Variants in BORCS5 observed in about 807,000 individuals in gnomAD.
The protein encoded by BORCS5 is BLOC-1-related complex subunit 5.
BORCS5 carries 17 observed loss-of-function variants against 22.1 expected under a neutral mutation model. The observed-to-expected ratio is 0.77, with a 90% CI of 0.53 to 1.15. BORCS5 has a LOEUF of 1.15. Among genes scored for constraint, BORCS5 ranks in the 50% most tolerant of loss-of-function variants. The pLI is 0.00. For missense variants in BORCS5, 247 were observed against 253.2 expected, an observed-to-expected ratio of 0.98 and a Z score of 0.17; for synonymous variants, 117 against 99.8, an observed-to-expected ratio of 1.17 and a Z score of -1.03.
intron 2 of BORCS5, among the ~76,000 whole-genome samples, chr12:12,399,499 T>C (rs1236175451): frequency 6.6e-6 from 1 of 151,910 alleles, no homozygotes; most frequent in African/African-American, 2.4e-5. Context: ...GAATAAAAGA[T>C]TTGGATTGGA....
intron 3 of BORCS5, among the ~76,000 whole-genome samples, chr12:12,438,354 T>C (rs1942597616): frequency 2.1e-5 from 1 of 48,298 alleles, no homozygotes; most frequent in African/African-American, 1.0e-4. Flanking sequence ...GAGCCAGATT[T>C]CATCTCAAAA....
chr12:12,412,910 T>A (rs1368921862), intron 2 of BORCS5, among the ~76,000 whole-genome samples: 7 of 139,638 alleles, frequency 5.0e-5, no homozygotes, highest in African/African-American at 1.9e-4. Context: ...CTTTTTTTTT[T>A]TTTTTTTTTT....
intron 1 of BORCS5, among the ~76,000 whole-genome samples, chr12:12,359,567 G>T (rs1400886160): frequency 5.3e-5 from 8 of 151,738 alleles, no homozygotes. Context: ...TCACCATGTT[G>T]GCCAGGCTGA....
At chr12:12,400,604 AT>A (rs1232813324) in intron 2 of BORCS5, among the ~76,000 whole-genome samples, 6 of 151,524 alleles carry the variant, frequency 4.0e-5, no homozygotes, top group Admixed American at 2.6e-4. Flanking sequence ...AAAAAAAAAA[AT>A]AGCAAACACC....
In BORCS5 at chr12:12,357,173, C is replaced by G; in HGVS notation, c.-279C>G. 1 of 1,527,492 alleles carries G rather than the reference C, an allele frequency of 6.5e-7. No individual in the cohort carries two copies. Among genetic ancestry groups the G allele is most frequent in the South Asian group, 1.2e-5 (1 of 83,534 alleles). 94.6% of individuals were successfully genotyped at this position (1,527,492 alleles called of 1,614,324 possible). Reference sequence around the variant, plus strand: ...GCAGGTGCGGCAAAGCCAGTGTCATCTGCCGGTTCTCTTAGGGCTCCCGGA... The same window carrying G: ...GCAGGTGCGGCAAAGCCAGTGTCATGTGCCGGTTCTCTTAGGGCTCCCGGA... On this transcript the variant is annotated 5_prime_UTR_variant, in exon 1 of 4. It adds an upstream start codon to the 5' untranslated region. Transcript: ENST00000314565.
At chr12:12,449,165 T>C (rs1942854180) in intron 3 of BORCS5, among the ~76,000 whole-genome samples, 1 of 152,170 alleles carries the variant, frequency 6.6e-6, no homozygotes, top group Admixed American at 6.5e-5. Flanking sequence ...CCTAGGAGCT[T>C]CATCCTTCCC....
chr12:12,424,603 G>C (rs1356463229), intron 2 of BORCS5, among the ~76,000 whole-genome samples: 1 of 132,974 alleles, frequency 7.5e-6, no homozygotes, highest in East Asian at 2.4e-4. Flanking sequence ...TGTATGACTG[G>C]TGATTTTTTT....
At chr12:12,451,929 T>TAA (rs34066948) in intron 3 of BORCS5, among the ~76,000 whole-genome samples, 206 of 134,032 alleles carry the variant, frequency 1.5e-3, no homozygotes, top group Middle Eastern at 3.8e-3. Context: ...AAAAAAAAAT[T>TAA]AAAAAAAAAA....
intron 2 of BORCS5, among the ~76,000 whole-genome samples, chr12:12,413,432 G>T (rs1463212901): frequency 2.0e-5 from 3 of 148,168 alleles, no homozygotes; most frequent in East Asian, 2.0e-4. Flanking sequence ...CAAGGCAGAA[G>T]AATTTTTCTT....
At chr12:12,414,968 G>A (rs1194813377) in intron 2 of BORCS5, among the ~76,000 whole-genome samples, 2 of 130,568 alleles carry the variant, frequency 1.5e-5, no homozygotes, top group African/African-American at 2.8e-5. Context: ...GGGCAGAGAC[G>A]CTCCTCACTT....
chr12:12,358,821 G>T (rs1426875187), intron 1 of BORCS5, among the ~76,000 whole-genome samples: 1 of 152,124 alleles, frequency 6.6e-6, no homozygotes, highest in Non-Finnish European at 1.5e-5. Flanking sequence ...AAGATTTCTG[G>T]CATGGCTTTT....
chr12:12,357,258 A>G lies in BORCS5; in HGVS notation c.-194A>G, dbSNP rs768083017. 5 of 1,465,916 alleles carry G rather than the reference A, an allele frequency of 3.4e-6. No homozygotes were observed. Among genetic ancestry groups the G allele is most frequent in the African/African-American group, 1.4e-5 (1 of 70,772 alleles). The allele number at this position is 1,465,916 out of a possible 1,614,324, so 90.8% of individuals were successfully genotyped here. A position where few individuals can be genotyped will look rare whatever the true frequency, so the allele number is the denominator to read the frequency against. ...GCCTCCTTGCGTTTCTGTTCCCCAA[A>G]TAGGGCCTCTCCTTCTCCCGCCGCC... is the stretch of plus-strand genomic sequence containing the variant. On this transcript the variant is annotated 5_prime_UTR_variant, in exon 1 of 4. Coordinates refer to ENST00000314565, the MANE Select transcript of BORCS5 (RefSeq NM_058169.6).
intron 2 of BORCS5, among the ~76,000 whole-genome samples, chr12:12,408,450 T>A (rs981911331): frequency 2.0e-5 from 3 of 152,236 alleles, no homozygotes; most frequent in African/African-American, 7.2e-5. Context: ...AGTTCAGTGG[T>A]ATTAAGTACA....
intron 1 of BORCS5, among the ~76,000 whole-genome samples, chr12:12,357,933 C>T (rs1863184133): frequency 6.6e-6 from 1 of 152,164 alleles, no homozygotes; most frequent in Non-Finnish European, 1.5e-5. Flanking sequence ...GATAGGTGTC[C>T]ACTTGCTTTG....
At chr12:12,400,616 T>C (rs1225135877) in intron 2 of BORCS5, among the ~76,000 whole-genome samples, 3 of 150,236 alleles carry the variant, frequency 2.0e-5, no homozygotes, top group Non-Finnish European at 3.0e-5. Flanking sequence ...AGCAAACACC[T>C]GTGTATTCAT....
At chr12:12,421,310 T>C (rs78849048) in intron 2 of BORCS5, among the ~76,000 whole-genome samples, 3 of 152,110 alleles carry the variant, frequency 2.0e-5, no homozygotes, top group Non-Finnish European at 4.4e-5. Context: ...GAGATAATCA[T>C]GTGTTTTTTG....
rs1329712787 is a variant in BORCS5, at chr12:12,357,133, C to T, written c.-319C>T. 5.9e-6 allele frequency: 9 copies of T among 1,533,406 alleles called. No individual in the cohort carries two copies. Among genetic ancestry groups the T allele is most frequent in the Middle Eastern group, 3.6e-4 (2 of 5,604 alleles). 95.0% of individuals were successfully genotyped at this position (1,533,406 alleles called of 1,614,324 possible). A position where few individuals can be genotyped will look rare whatever the true frequency, so the allele number is the denominator to read the frequency against. ...AGCGTGAACCAGTGAGTGAAAGCGG[C>T]GCCGCCCGCCGGCCGCAGGTGCGGC... On this transcript the variant is annotated 5_prime_UTR_variant, in exon 1 of 4. Coordinates refer to ENST00000314565, the MANE Select transcript of BORCS5 (RefSeq NM_058169.6).
intron 3 of BORCS5, among the ~76,000 whole-genome samples, chr12:12,461,202 C>A: frequency 8.2e-6 from 1 of 121,634 alleles, no homozygotes; most frequent in Non-Finnish European, 1.8e-5. Flanking sequence ...GGGCCTTGCT[C>A]TTTTTTTCCA....
chr12:12,406,716 A>G (rs144011102), intron 2 of BORCS5, among the ~76,000 whole-genome samples: 238 of 152,224 alleles, frequency 1.6e-3, no homozygotes, highest in African/African-American at 5.6e-3. Context: ...CCTCTTTTAT[A>G]ATCAGTCTTG....
Sources: gnomAD v4.1 joint callset for allele counts (sites outside exome capture counted in the v4.1 genomes callset) on GRCh38, gnomAD v4.1.1 for gene constraint, MANE v1.5 for transcripts, NCBI Gene and HGNC (gene_info 2026-07-23, HGNC 2026-07-21) for gene names.